Variants in PCDH11X observed in about 807,000 individuals in gnomAD.
PCDH11X encodes protocadherin-11 X-linked.
Under a neutral mutation model 53.3 loss-of-function variants are expected in PCDH11X, and 18 were observed. The observed-to-expected ratio is 0.34, with a 90% CI of 0.23 to 0.50. PCDH11X has a LOEUF of 0.50. Ranked by LOEUF, PCDH11X falls within the 20% of genes least tolerant of loss-of-function variation. The pLI is 0.98. For synonymous variants in PCDH11X, 279 were observed against 393.3 expected, an observed-to-expected ratio of 0.71 and a Z score of 3.44; for missense variants, 570 against 1,032.4, an observed-to-expected ratio of 0.55 and a Z score of 6.14.
intron 8 of PCDH11X, among the ~76,000 whole-genome samples, chrX:92,346,479 T>C (rs2069898458): frequency 9.0e-6 from 1 of 111,136 alleles, no homozygotes; most frequent in Non-Finnish European, 1.9e-5. Context: ...CTTCCCATAA[T>C]ATAAATAAAA....
At chrX:92,066,838 T>C (rs1332699282) in intron 6 of PCDH11X, among the ~76,000 whole-genome samples, 2 of 112,624 alleles carry the variant, frequency 1.8e-5, no homozygotes, top group African/African-American at 6.5e-5. Context: ...GAGCAGTGGC[T>C]CAGGCCTGTA....
intron 6 of PCDH11X, among the ~76,000 whole-genome samples, chrX:92,057,069 A>T (rs2148056769): frequency 9.1e-6 from 1 of 110,238 alleles, no homozygotes; most frequent in Non-Finnish European, 1.9e-5. Flanking sequence ...AAAAACAACA[A>T]AGCAGACACT....
At chrX:92,270,072 ACAT>A (rs745662231) in intron 8 of PCDH11X, among the ~76,000 whole-genome samples, 5 of 110,079 alleles carry the variant, frequency 4.5e-5, no homozygotes, top group African/African-American at 1.6e-4. Flanking sequence ...TTCATTAAGT[ACAT>A]ATTCCTTCTG....
chrX:92,335,223 C>T (rs182898442), intron 8 of PCDH11X, among the ~76,000 whole-genome samples: 188 of 109,769 alleles, frequency 1.7e-3, no homozygotes, highest in African/African-American at 5.7e-3. Flanking sequence ...TTTCAGAGCC[C>T]AAAGCATAGA....
At chrX:91,869,453 C>T (rs1317249429) in intron 5 of PCDH11X, among the ~76,000 whole-genome samples, 5 of 111,319 alleles carry the variant, frequency 4.5e-5, no homozygotes, top group Non-Finnish European at 9.5e-5. Flanking sequence ...AGTCACCTAA[C>T]CTTACTGTGT....
chrX:92,460,873 T>C, intron 9 of PCDH11X: 2 of 1,013,624 alleles, frequency 2.0e-6, no homozygotes, highest in Non-Finnish European at 2.7e-6. Context: ...ATGCAAACCA[T>C]CCAAAAGACC....
chrX:92,475,476 A>G (rs371972792), intron 10 of PCDH11X, among the ~76,000 whole-genome samples: 5 of 111,516 alleles, frequency 4.5e-5, no homozygotes, highest in East Asian at 5.7e-4. Context: ...TTTCTCCAGC[A>G]CTTCTTTAAA....
chrX:92,018,400 A>G (rs1226967031), intron 6 of PCDH11X, among the ~76,000 whole-genome samples: 1 of 112,152 alleles, frequency 8.9e-6, no homozygotes, highest in Non-Finnish European at 1.9e-5. Context: ...TTTAATGGTA[A>G]TGTTAACAGT....
chrX:92,364,062 A>G (rs1029301696), intron 8 of PCDH11X, among the ~76,000 whole-genome samples: 4 of 111,582 alleles, frequency 3.6e-5, no homozygotes, highest in Non-Finnish European at 7.5e-5. Context: ...ATTCTGTTTT[A>G]AAGTATTTTG....
intron 6 of PCDH11X, among the ~76,000 whole-genome samples, chrX:92,138,375 C>T (rs2065117967): frequency 9.1e-6 from 1 of 110,495 alleles, no homozygotes; most frequent in Admixed American, 9.8e-5. Context: ...CTCAGTTTTA[C>T]TCTAGCATCA....
chrX:92,515,580 G>A (rs1050146870), intron 10 of PCDH11X: 7 of 124,769 alleles, frequency 5.6e-5, no homozygotes, highest in Non-Finnish European at 9.8e-5. Flanking sequence ...CCTATTTACC[G>A]CTAACGCATT....
At chrX:91,836,614 G>A (rs1937311086) in intron 5 of PCDH11X, among the ~76,000 whole-genome samples, 2 of 110,813 alleles carry the variant, frequency 1.8e-5, no homozygotes, top group South Asian at 7.5e-4. Context: ...TCATCAAATT[G>A]AGATTAAATT....
chrX:91,926,230 T>C (rs1941945361), intron 6 of PCDH11X, among the ~76,000 whole-genome samples: 1 of 109,220 alleles, frequency 9.2e-6, no homozygotes, highest in African/African-American at 3.3e-5. Flanking sequence ...GAAACAATGA[T>C]ACTAATAAAA....
chrX:92,609,569 A>T (rs2750707), intron 10 of PCDH11X, among the ~76,000 whole-genome samples: 27,216 of 110,699 alleles, frequency 0.25, 2,712 homozygotes, highest in African/African-American at 0.35. Flanking sequence ...TACAGATATT[A>T]GCCAGTTTTT....
At chrX:91,840,405 G>A (rs1937484941) in intron 5 of PCDH11X, among the ~76,000 whole-genome samples, 1 of 111,117 alleles carries the variant, frequency 9.0e-6, no homozygotes, top group Admixed American at 9.6e-5. Flanking sequence ...GCCTTCCCTT[G>A]TTTCTACCCA....
intron 6 of PCDH11X, among the ~76,000 whole-genome samples, chrX:92,132,622 A>AATATATATATATGTATATATAT (rs1473163352): frequency 7.2e-5 from 6 of 83,741 alleles, no homozygotes; most frequent in East Asian, 4.3e-4. Context: ...GAAAAAAAGA[A>AATATATATATATGTATATATAT]ATATATATAT....
At chrX:92,232,536 C>G (rs1248288569) in intron 7 of PCDH11X, among the ~76,000 whole-genome samples, 2 of 111,928 alleles carry the variant, frequency 1.8e-5, no homozygotes, top group African/African-American at 6.5e-5. Context: ...GACATCTCTA[C>G]TCATCAATTA....
intron 6 of PCDH11X, among the ~76,000 whole-genome samples, chrX:92,161,383 C>T (rs895471859): frequency 1.8e-5 from 2 of 111,635 alleles, no homozygotes; most frequent in Non-Finnish European, 3.8e-5. Context: ...GCTGACAAAT[C>T]GGCTGTTAAT....
intron 6 of PCDH11X, among the ~76,000 whole-genome samples, chrX:92,097,452 C>A (rs1264924636): frequency 9.2e-6 from 1 of 108,681 alleles, no homozygotes; most frequent in Non-Finnish European, 1.9e-5. Flanking sequence ...AGGAAAGATG[C>A]GGGGAAATAT....
Sources: allele counts gnomAD v4.1 joint callset (sites outside exome capture counted in the v4.1 genomes callset), GRCh38; gene constraint gnomAD v4.1.1; transcripts MANE v1.5; gene names NCBI Gene and HGNC (gene_info 2026-07-23, HGNC 2026-07-21).